DEK: variants seen among roughly 807,000 people sequenced by gnomAD.
DEK encodes the protein DEK proto-oncogene.
In DEK, 28 loss-of-function variants were observed where a neutral mutation model predicts 46.8. The observed-to-expected ratio is 0.60, with a 90% CI of 0.44 to 0.82. The LOEUF is 0.82. Among genes scored for constraint, DEK ranks in the 40% least tolerant of loss-of-function variants. The pLI is 0.00. For synonymous variants in DEK, 160 were observed against 144.5 expected (o/e 1.11, Z -0.77); for missense variants, 416 against 430.6 (o/e 0.97, Z 0.30).
intron 2 of DEK, 41 bp from the exon 3 acceptor site, chr6:18,258,446 A>T: frequency 6.7e-7 from 1 of 1,483,252 alleles, no homozygotes; most frequent in Non-Finnish European, 9.4e-7. Flanking sequence ...CAAAAAGCTT[A>T]AACATTGTAT....
Position 18,226,159 on chromosome 6 carries a change from G to A in DEK, c.1116+15C>T. ...TATATTTCTAAAGTCAAACTTGAAAGACTGAAATATTTACCTCTTTTACAG... is the reference window on the plus strand; with the variant it reads ...TATATTTCTAAAGTCAAACTTGAAAAACTGAAATATTTACCTCTTTTACAG... On this transcript the variant is annotated intron_variant, in intron 10 of 10. Transcript: ENST00000652689. 7.7e-7 allele frequency: 1 copy of A among 1,300,154 alleles called. No homozygotes were observed. The highest frequency in any genetic ancestry group is 2.9e-5 in the East Asian group (1 of 34,804). 80.5% of individuals were successfully genotyped at this position (1,300,154 alleles called of 1,614,324 possible). A position where few individuals can be genotyped will look rare whatever the true frequency, so the allele number is the denominator to read the frequency against.
chr6:18,228,758 A>G (rs1790254928), intron 9 of DEK, among the ~76,000 whole-genome samples: 1 of 152,220 alleles, frequency 6.6e-6, no homozygotes, highest in East Asian at 1.9e-4. Context: ...TCCCACGCCC[A>G]CGGAGCCTCG....
At chr6:18,254,891 C>T (rs897882999) in intron 6 of DEK, among the ~76,000 whole-genome samples, 1 of 152,152 alleles carries the variant, frequency 6.6e-6, no homozygotes, top group Non-Finnish European at 1.5e-5. Context: ...GTTTATCTGT[C>T]CTCGTGCAGC....
At chr6:18,235,998 A>G (rs892582999) in intron 9 of DEK, among the ~76,000 whole-genome samples, 3 of 152,230 alleles carry the variant, frequency 2.0e-5, no homozygotes, top group African/African-American at 7.2e-5. Context: ...AGACAAGGCC[A>G]CTTTATTTCC....
chr6:18,236,388 T>C, intron 9 of DEK, 64 bp downstream of exon 9: 2 of 1,551,456 alleles, frequency 1.3e-6, no homozygotes, highest in South Asian at 1.2e-5. Context: ...TAGCTTCAAA[T>C]TCAGAGATAA....
At chr6:18,258,190 A>G in intron 3 of DEK, 114 bp downstream of exon 3, 7 of 1,117,424 alleles carry the variant, frequency 6.3e-6, no homozygotes, top group Non-Finnish European at 9.0e-6. Context: ...CAAATTAAAT[A>G]AAATTATACC....
intron 2 of DEK, among the ~76,000 whole-genome samples, chr6:18,260,913 G>C (rs1428872826): frequency 6.6e-6 from 1 of 151,180 alleles, no homozygotes; most frequent in African/African-American, 2.4e-5. Context: ...TTGAGCCTGG[G>C]AGGCAGAGTT....
At chr6:18,245,941 G>C (rs1325713203) in intron 7 of DEK, among the ~76,000 whole-genome samples, 1 of 152,214 alleles carries the variant, frequency 6.6e-6, no homozygotes, top group East Asian at 1.9e-4. Flanking sequence ...TTTATAAAAG[G>C]GAGTTGCCCT....
intron 9 of DEK, among the ~76,000 whole-genome samples, chr6:18,227,374 T>C (rs1461803856): frequency 2.0e-5 from 3 of 152,230 alleles, no homozygotes; most frequent in African/African-American, 7.2e-5. Flanking sequence ...TTGAGATGTT[T>C]ATGTGTATGC....
At chr6:18,248,314 T>C (rs192253970) in intron 7 of DEK, among the ~76,000 whole-genome samples, 3 of 152,334 alleles carry the variant, frequency 2.0e-5, no homozygotes, top group Non-Finnish European at 2.9e-5. Context: ...TTATATTCTA[T>C]GATAATGTTT....
In DEK at chr6:18,225,748, CATT is replaced by C. The variant is rs776270651; in HGVS notation, c.1117-21_1117-19del. On this transcript the variant is annotated intron_variant, in intron 10 of 10. Transcript: ENST00000652689. ...GAAATTAGCTGTAATGAAAGAGAAA[CATT>C]ATTTTGCCATAAATCATAAACCTTT... 28 of 1,612,646 alleles carry C rather than the reference CATT, an allele frequency of 1.7e-5. No homozygotes were observed. Among genetic ancestry groups the C allele is most frequent in the East Asian group, 2.2e-5 (1 of 44,804 alleles).
At chr6:18,244,005 A>G (rs1398411772) in intron 7 of DEK, among the ~76,000 whole-genome samples, 3 of 152,172 alleles carry the variant, frequency 2.0e-5, no homozygotes. Context: ...CCCCATTTTA[A>G]GTCTCTTTCA....
chr6:18,261,173 A>G (rs987291322), intron 2 of DEK, among the ~76,000 whole-genome samples: 2 of 151,956 alleles, frequency 1.3e-5, no homozygotes, highest in African/African-American at 4.8e-5. Context: ...AGCTGCCCAA[A>G]GCCTTGGGAC....
chr6:18,249,195 T>G (rs1046580333), intron 7 of DEK, among the ~76,000 whole-genome samples: 1 of 152,226 alleles, frequency 6.6e-6, no homozygotes, highest in African/African-American at 2.4e-5. Flanking sequence ...CAAATGCTGT[T>G]TATTCTCACT....
In DEK at chr6:18,255,751, G is replaced by T; in HGVS notation, c.553C>A (p.His185Asn). The T allele has an allele frequency of 6.2e-7, 1 of 1,608,382 alleles. No individual in the cohort carries two copies. The highest frequency in any genetic ancestry group is 8.5e-7 in the Non-Finnish European group (1 of 1,178,614). The change falls in exon 6 of 11, where the codon CAT becomes AAT. Residue 185 changes from histidine to asparagine, a missense_variant. By Grantham distance (68) the His-to-Asn change is moderately conservative (BLOSUM62 1). Transcript: ENST00000652689. ...LVKRILNFLM[H>N]PKPSGKPLPK... ...CTCACTTTGCCAGAAGGCTTTGGAT[G>T]CATTAAGAAATTCAAGATCCTCTTC...
intron 7 of DEK, among the ~76,000 whole-genome samples, chr6:18,242,963 T>C (rs1040072942): frequency 6.6e-6 from 1 of 152,100 alleles, no homozygotes; most frequent in African/African-American, 2.4e-5. Flanking sequence ...AAGTGCTTAG[T>C]TATGATGAAA....
intron 9 of DEK, among the ~76,000 whole-genome samples, chr6:18,228,484 A>C (rs1282631791): frequency 6.6e-6 from 1 of 151,256 alleles, no homozygotes; most frequent in East Asian, 2.0e-4. Flanking sequence ...TTTCCAACTG[A>C]GATACCAGGT....
intron 2 of DEK, among the ~76,000 whole-genome samples, chr6:18,258,913 G>A (rs1432843607): frequency 1.3e-5 from 2 of 152,168 alleles, no homozygotes; most frequent in East Asian, 1.9e-4. Flanking sequence ...CCTGAAGTAC[G>A]TGGATAGGAT....
chr6:18,229,413 G>A (rs1790300680), intron 9 of DEK, among the ~76,000 whole-genome samples: 1 of 152,120 alleles, frequency 6.6e-6, no homozygotes, highest in Non-Finnish European at 1.5e-5. Flanking sequence ...GAAGGCTTCA[G>A]ACGATCAAAC....
Sources: gnomAD v4.1 joint callset for allele counts (sites outside exome capture counted in the v4.1 genomes callset) on GRCh38, gnomAD v4.1.1 for gene constraint, MANE v1.5 for transcripts, NCBI Gene and HGNC (gene_info 2026-07-23, HGNC 2026-07-21) for gene names.